MPDZ: variants seen among roughly 807,000 people sequenced by gnomAD.
MPDZ encodes the protein multiple PDZ domain protein.
Under a neutral mutation model 239.1 loss-of-function variants are expected in MPDZ, and 234 were observed. The ratio of observed to expected loss-of-function variants is 0.98; its 90% CI spans 0.88 to 1.09. The LOEUF is 1.09. MPDZ is among the 50% of genes least tolerant of loss of function. MPDZ has a pLI of 0.00. For missense variants in MPDZ, 3,175 were observed against 2,510.0 expected (o/e 1.26, Z -5.66); for synonymous variants, 1,048 against 881.3 (o/e 1.19, Z -3.35).
At chr9:13,108,374 C>A (rs1941841162) in intron 46 of MPDZ, among the ~76,000 whole-genome samples, 1 of 152,082 alleles carries the variant, frequency 6.6e-6, no homozygotes, top group Non-Finnish European at 1.5e-5. Flanking sequence ...ACTATACAGT[C>A]TTTTTAATTG....
intron 36 of MPDZ, 54 bp downstream of exon 36, chr9:13,123,099 C>CT: frequency 6.6e-7 from 1 of 1,520,596 alleles, no homozygotes; most frequent in South Asian, 1.4e-5. Flanking sequence ...ATAATCGTCT[C>CT]TGAGGCCTGG....
chr9:13,237,972 A>T (rs1964501001), intron 3 of MPDZ, among the ~76,000 whole-genome samples: 1 of 152,204 alleles, frequency 6.6e-6, no homozygotes, highest in Admixed American at 6.5e-5. Context: ...ATTTTCCTGT[A>T]GTAGAGAGTG....
At chr9:13,144,777 A>G (rs1384700732) in intron 26 of MPDZ, among the ~76,000 whole-genome samples, 1 of 152,108 alleles carries the variant, frequency 6.6e-6, no homozygotes, top group Non-Finnish European at 1.5e-5. Flanking sequence ...ATTTCTGCTC[A>G]TCTCAACTTT....
intron 3 of MPDZ, among the ~76,000 whole-genome samples, chr9:13,243,095 C>T (rs1320034774): frequency 6.6e-6 from 1 of 152,204 alleles, no homozygotes; most frequent in Admixed American, 6.5e-5. Context: ...GTTGCCTCCA[C>T]TGTGAGGTTT....
intron 3 of MPDZ, 32 bp downstream of exon 3, chr9:13,247,603 G>A (rs374590735): frequency 2.6e-5 from 41 of 1,585,694 alleles, no homozygotes; most frequent in East Asian, 2.0e-4. Flanking sequence ...ATGCCATGTC[G>A]TGAATGCCTG....
At chr9:13,109,590 T>A (rs924609552) in intron 45 of MPDZ, among the ~76,000 whole-genome samples, 26 of 152,186 alleles carry the variant, frequency 1.7e-4, no homozygotes, top group African/African-American at 6.0e-4. Flanking sequence ...TGATAATATA[T>A]TAGATGAATA....
intron 19 of MPDZ, among the ~76,000 whole-genome samples, chr9:13,181,689 G>T (rs962552319): frequency 2.0e-5 from 3 of 152,168 alleles, no homozygotes; most frequent in African/African-American, 7.2e-5. Context: ...ACAGACTTCG[G>T]TAAGCCAATA....
chr9:13,190,820 C>A (rs2134986637), intron 15 of MPDZ, among the ~76,000 whole-genome samples: 1 of 152,008 alleles, frequency 6.6e-6, no homozygotes, highest in Non-Finnish European at 1.5e-5. Context: ...TCAGATTTGC[C>A]CCCAGCTTGA....
chr9:13,185,177 A>G (rs183610593), intron 18 of MPDZ, among the ~76,000 whole-genome samples: 1 of 152,136 alleles, frequency 6.6e-6, no homozygotes, highest in East Asian at 1.9e-4. Flanking sequence ...GCAGGGCCAT[A>G]AGTTACCTGG....
rs777878601 is a variant in MPDZ, at chr9:13,247,637, G to C, written c.181C>G (p.Gln61Glu). 6.2e-7 allele frequency: 1 copy of C among 1,609,278 alleles called. No individual in the cohort carries two copies. Among genetic ancestry groups the C allele is most frequent in the Non-Finnish European group, 8.5e-7 (1 of 1,176,310 alleles). Residue 61 changes from glutamine to glutamate, a missense_variant and splice_region_variant, in exon 3 of 47, where the codon CAG becomes GAG. Gln to Glu is a conservative substitution (Grantham distance 29). Coordinates refer to ENST00000319217, the MANE Select transcript of MPDZ (RefSeq NM_001378778.1). Reference sequence around the variant, plus strand: ...TGCTTGGGTGAATGATGTCCTACCTGGTCTTTCAGCTGCTGTACAGAAGTC... The same window carrying C: ...TGCTTGGGTGAATGATGTCCTACCTCGTCTTTCAGCTGCTGTACAGAAGTC... The part of the protein sequence containing the change: ...LQTSVQQLKD[Q>E]VNIATSATSN...
At chr9:13,139,550 G>A (rs968863217) in intron 28 of MPDZ, among the ~76,000 whole-genome samples, 2 of 152,144 alleles carry the variant, frequency 1.3e-5, no homozygotes, top group Non-Finnish European at 2.9e-5. Context: ...AATGCCTAAA[G>A]TTTTTATCTC....
In MPDZ at chr9:13,217,466, G is replaced by C. The variant is rs560929984; in HGVS notation, c.1087-172C>G. Reference sequence around the variant, plus strand: ...CCTTTAATCCTGAAAACAGGGATAGGCATCATCATATTTTTGCTCAGAAAG... The same window carrying C: ...CCTTTAATCCTGAAAACAGGGATAGCCATCATCATATTTTTGCTCAGAAAG... On this transcript the variant is annotated intron_variant, in intron 8 of 46. Transcript: ENST00000319217. Among the ~76,000 whole-genome samples the C allele has an allele frequency of 2.0e-5, 3 of 151,966 alleles. No individual in the cohort carries two copies. In the South Asian group the frequency reaches 6.2e-4, roughly 31 times the overall value.
At chr9:13,250,399 A>G (rs761628021) in intron 1 of MPDZ, 27 bp from the exon 2 acceptor site, 7 of 1,204,758 alleles carry the variant, frequency 5.8e-6, no homozygotes, top group Admixed American at 4.0e-5. Flanking sequence ...TAGAATGGTT[A>G]TGTTTTATCA....
Position 13,279,666 on chromosome 9 carries a change from C to A in MPDZ, c.-324G>T, listed in dbSNP as rs920534009. 4 of 150,388 alleles carry A rather than the reference C, an allele frequency of 2.7e-5. No homozygotes were observed. Among genetic ancestry groups the A allele is most frequent in the South Asian group, 2.1e-4 (1 of 4,834 alleles). 9.3% of individuals were successfully genotyped at this position (150,388 alleles called of 1,614,324 possible). A position where few individuals can be genotyped will look rare whatever the true frequency, so the allele number is the denominator to read the frequency against. ...CCGCACTTGCGCCGACCGGGGCTGC[C>A]GCGGAGGCGGTGGCGGGGCCCAGGC... is the stretch of plus-strand genomic sequence containing the variant. On this transcript the variant is annotated 5_prime_UTR_variant, in exon 1 of 47. Coordinates refer to ENST00000319217, the MANE Select transcript of MPDZ (RefSeq NM_001378778.1).
At chr9:13,235,649 T>G (rs923315914) in intron 3 of MPDZ, among the ~76,000 whole-genome samples, 7 of 152,144 alleles carry the variant, frequency 4.6e-5, no homozygotes, top group Non-Finnish European at 1.0e-4. Context: ...GCTGATAAAT[T>G]TAAAAGATAA....
At chr9:13,269,811 G>T (rs937765782) in intron 1 of MPDZ, among the ~76,000 whole-genome samples, 1 of 152,154 alleles carries the variant, frequency 6.6e-6, no homozygotes, top group African/African-American at 2.4e-5. Context: ...AGCAAGAAAT[G>T]ACAATTTACA....
chr9:13,264,548 C>T (rs1448919172), intron 1 of MPDZ, among the ~76,000 whole-genome samples: 2 of 151,858 alleles, frequency 1.3e-5, no homozygotes, highest in South Asian at 2.1e-4. Flanking sequence ...CTAACTCAAC[C>T]GACCCTCTGA....
chr9:13,148,523 T>A (rs1475475735), intron 25 of MPDZ, among the ~76,000 whole-genome samples: 3 of 152,040 alleles, frequency 2.0e-5, no homozygotes, highest in African/African-American at 7.2e-5. Context: ...AAGAATTATA[T>A]AGATTTAGAT....
intron 26 of MPDZ, among the ~76,000 whole-genome samples, chr9:13,146,652 A>T (rs1165417213): frequency 6.6e-6 from 1 of 152,002 alleles, no homozygotes; most frequent in African/African-American, 2.4e-5. Context: ...CAGGACATCT[A>T]GGAAATGGTA....
Sources: gnomAD v4.1 joint callset for allele counts (sites outside exome capture counted in the v4.1 genomes callset) on GRCh38, gnomAD v4.1.1 for gene constraint, MANE v1.5 for transcripts, NCBI Gene and HGNC (gene_info 2026-07-23, HGNC 2026-07-21) for gene names.